Variants in TIMM50 observed in about 807,000 individuals in gnomAD.
TIMM50 encodes the protein mitochondrial import inner membrane translocase subunit TIM50.
A neutral mutation model predicts 49.6 loss-of-function variants in TIMM50; 34 were observed. The observed-to-expected ratio is 0.69, with a 90% CI of 0.52 to 0.91. The LOEUF (loss-of-function observed/expected upper bound fraction) is 0.91. Among genes scored for constraint, TIMM50 ranks in the 40% least tolerant of loss-of-function variants. The probability of loss-of-function intolerance (pLI) is 0.00; values close to 1 mark genes in which losing one functional copy is unlikely to be tolerated. For missense variants in TIMM50, 458 were observed against 477.8 expected (o/e 0.96, Z 0.39); for synonymous variants, 199 against 198.4 (o/e 1.00, Z -0.03).
In TIMM50 at chr19:39,481,889, GA is replaced by G. The variant is rs1568440146; in HGVS notation, c.116del (p.Glu39GlyfsTer42). ...TCCCCTTTCTCAACCGCAGGCCGCAGAGATCGGGAGCCGCGGGAGCACTAAG... is the reference window on the plus strand; with the variant it reads ...TCCCCTTTCTCAACCGCAGGCCGCAGGATCGGGAGCCGCGGGAGCACTAAG... ...PPRRAPDQAA[E>X]IGSRGSTKAQ... On this transcript the variant is annotated frameshift_variant, in exon 2 of 11. Transcript: ENST00000607714. LOFTEE classifies it high-confidence loss of function. 6.2e-7 allele frequency: 1 copy of G among 1,612,772 alleles called. No homozygotes were observed. Among genetic ancestry groups the G allele is most frequent in the South Asian group, 1.1e-5 (1 of 91,070 alleles).
Position 39,490,265 on chromosome 19 carries a change from C to T in TIMM50, c.*445C>T, listed in dbSNP as rs535684527. On this transcript the variant is annotated 3_prime_UTR_variant, in exon 11 of 11. Transcript: ENST00000607714. ...GGGCCTCTGGTGGACCAGAGATTAC[C>T]CCTCTCAACAGGCCAGCTGCTGGTT... 6.4e-6 allele frequency: 1 copy of T among 156,916 alleles called. No homozygotes were observed. The highest frequency in any genetic ancestry group is 2.0e-4 in the South Asian group (1 of 5,012). 9.7% of individuals were successfully genotyped at this position (156,916 alleles called of 1,614,324 possible).
At position 39,488,590 on chromosome 19, in the gene TIMM50, C is replaced by T. The variant is rs10240; in HGVS notation, c.905C>T (p.Ala302Val). Residue 302 changes from alanine to valine, a missense_variant, in exon 10 of 11, where the codon GCC becomes GTC. Ala to Val is a moderately conservative substitution (Grantham distance 64). Transcript: ENST00000607714. ...GTGCGAACCGTGCTGGAGCACTATGCCCTGGAGGATGACCCGCTGGCGGCT... is the reference window on the plus strand; with the variant it reads ...GTGCGAACCGTGCTGGAGCACTATGTCCTGGAGGATGACCCGCTGGCGGCT... The part of the protein sequence containing the change: ...EDVRTVLEHY[A>V]LEDDPLAAFK... The T allele has an allele frequency of 1.9e-6, 3 of 1,613,482 alleles. No individual in the cohort carries two copies. The highest frequency in any genetic ancestry group is 2.5e-6 in the Non-Finnish European group (3 of 1,180,026).
intron 10 of TIMM50, among the ~76,000 whole-genome samples, chr19:39,489,282 G>C (rs1397692520): frequency 6.6e-6 from 1 of 152,048 alleles, no homozygotes; most frequent in Non-Finnish European, 1.5e-5. Context: ...GGTGAGGAGG[G>C]CCATGGGGTT....
rs1340225602 is a variant in TIMM50 at position 39,480,928 on chromosome 19, G to A, written c.75G>A (p.Arg25=). 1 of 1,587,736 alleles carries A rather than the reference G, an allele frequency of 6.3e-7. No individual in the cohort carries two copies. Among genetic ancestry groups the A allele is most frequent in the South Asian group, 1.1e-5 (1 of 89,802 alleles). Residue 25 remains arginine (R), a synonymous_variant, in exon 1 of 11, where the codon AGG becomes AGA. Transcript: ENST00000607714. ...LRLGSRGLCT[R]LATPPRRAPD... is the part of the protein sequence containing the mutation. Reference sequence around the variant, plus strand: ...TCGGCTCGCGGGGACTGTGCACGAGGTTGGCGACGCCGCCCCGCCGGGCCC... The same window carrying A: ...TCGGCTCGCGGGGACTGTGCACGAGATTGGCGACGCCGCCCCGCCGGGCCC...
Position 39,486,574 on chromosome 19 carries a change from C to T in TIMM50, c.696+79C>T, listed in dbSNP as rs1457071888. 3.2e-6 allele frequency: 4 copies of T among 1,259,816 alleles called. No individual in the cohort carries two copies. The African/African-American group carries it at 5.9e-5, about 19-fold the overall frequency. The allele number at this position is 1,259,816 out of a possible 1,614,324, so 78.0% of individuals were successfully genotyped here. ...GAGGGAAGGAGGGCCCAGCTCTGAC[C>T]CTAGCCTCACCTGGCTTATGGTTCT... is the stretch of plus-strand genomic sequence containing the variant. On this transcript the variant is annotated intron_variant, in intron 8 of 10. Transcript: ENST00000607714.
In TIMM50 at chr19:39,492,893, C is replaced by CAAA. The variant is rs1159452213; in HGVS notation, c.*3081_*3083dup. 1 of 62,984 alleles carries CAAA rather than the reference C, an allele frequency of 1.6e-5. No individual in the cohort carries two copies. Among genetic ancestry groups the CAAA allele is most frequent in the Non-Finnish European group, 3.2e-5 (1 of 30,890 alleles). 3.9% of individuals were successfully genotyped at this position (62,984 alleles called of 1,614,324 possible). ...CTCCAAAAAAAAAAAAAAAAAAAAA[C>CAAA]AAAAAAAAAACCAGTTTGACTTTAT... On this transcript the variant is annotated 3_prime_UTR_variant, in exon 11 of 11. Transcript: ENST00000607714.
In TIMM50 at chr19:39,492,581, T is replaced by C. The variant is rs1352618861; in HGVS notation, c.*2761T>C. 6.6e-6 allele frequency: 1 copy of C among 151,736 alleles called. No individual in the cohort carries two copies. The highest frequency in any genetic ancestry group is 1.5e-5 in the Non-Finnish European group (1 of 68,000). 9.4% of individuals were successfully genotyped at this position (151,736 alleles called of 1,614,324 possible). A position where few individuals can be genotyped will look rare whatever the true frequency, so the allele number is the denominator to read the frequency against. On this transcript the variant is annotated 3_prime_UTR_variant, in exon 11 of 11. Coordinates refer to ENST00000607714, the MANE Select transcript of TIMM50 (RefSeq NM_001001563.5). The stretch of plus-strand genomic sequence containing the variant: ...TATGGGTTATTCACAGATTGAAATA[T>C]CTTAGCTGGGCACGGTGGCTCACCC...
rs779696958 is a variant in TIMM50 at position 39,486,369 on chromosome 19, C to A, written c.598-28C>A. ...TCTGGAGGACCAGGGCTCAGCCTGA[C>A]CTTTTCTCGCTCCCTTCCCACCCCC... is the stretch of plus-strand genomic sequence containing the variant. On this transcript the variant is annotated intron_variant, in intron 7 of 10. Coordinates refer to ENST00000607714, the MANE Select transcript of TIMM50 (RefSeq NM_001001563.5). 2.5e-6 allele frequency: 4 copies of A among 1,613,544 alleles called. No individual in the cohort carries two copies. The African/African-American group carries it at 4.0e-5, about 16-fold the overall frequency.
In TIMM50 at chr19:39,490,396, GAC is replaced by G. The variant is rs1009995341; in HGVS notation, c.*578_*579del. 6.7e-6 allele frequency: 1 copy of G among 149,384 alleles called. No homozygotes were observed. 9.3% of individuals were successfully genotyped at this position (149,384 alleles called of 1,614,324 possible). On this transcript the variant is annotated 3_prime_UTR_variant, in exon 11 of 11. Coordinates refer to ENST00000607714, the MANE Select transcript of TIMM50 (RefSeq NM_001001563.5). The stretch of plus-strand genomic sequence containing the variant: ...GGGAATATTTTTTTTTTTTTTTTGA[GAC>G]AGGGTCTCACTGTTGCCCAGGCTGG...
rs59596478 is a variant in TIMM50, at chr19:39,492,871, C to CAAAAAAAAAAAAAAAAAAAAAAAA, written c.*3072_*3073insAAAAAAAAAAAAAAAAAAAAAAAA. 4.4e-5 allele frequency: 2 copies of CAAAAAAAAAAAAAAAAAAAAAAAA among 45,026 alleles called. No individual in the cohort carries two copies. The highest frequency in any genetic ancestry group is 7.2e-5 in the Non-Finnish European group (2 of 27,810). The allele number at this position is 45,026 out of a possible 1,614,324, so 2.8% of individuals were successfully genotyped here. A position where few individuals can be genotyped will look rare whatever the true frequency, so the allele number is the denominator to read the frequency against. On this transcript the variant is annotated 3_prime_UTR_variant, in exon 11 of 11. Coordinates refer to ENST00000607714, the MANE Select transcript of TIMM50 (RefSeq NM_001001563.5). Reference sequence around the variant, plus strand: ...GGGCGACAGAGTAAGGCTCTGTCTCCAAAAAAAAAAAAAAAAAAAAACAAA... The same window carrying CAAAAAAAAAAAAAAAAAAAAAAAA: ...GGGCGACAGAGTAAGGCTCTGTCTCCAAAAAAAAAAAAAAAAAAAAAAAAAAAAAAAAAAAAAAAAAAAAACAAA...
intron 6 of TIMM50, 73 bp downstream of exon 6, chr19:39,485,880 C>T: frequency 6.3e-7 from 1 of 1,586,788 alleles, no homozygotes. Flanking sequence ...GACTTTCAGC[C>T]CTGGCTGTGC....
intron 8 of TIMM50, among the ~76,000 whole-genome samples, chr19:39,486,855 C>T (rs1048593614): frequency 5.3e-5 from 8 of 152,116 alleles, no homozygotes; most frequent in African/African-American, 1.4e-4. Flanking sequence ...TTGTTTGACC[C>T]GGGCTCTGTT....
Position 39,486,380 on chromosome 19 carries a change from T to G in TIMM50, c.598-17T>G. The G allele has an allele frequency of 6.2e-7, 1 of 1,613,972 alleles. No homozygotes were observed. The highest frequency in any genetic ancestry group is 8.5e-7 in the Non-Finnish European group (1 of 1,179,834). ...AGGGCTCAGCCTGACCTTTTCTCGC[T>G]CCCTTCCCACCCCCAGACTGCGTTT... On this transcript the variant is annotated splice_polypyrimidine_tract_variant and intron_variant, in intron 7 of 10. Transcript: ENST00000607714.
At chr19:39,482,399 T>C (rs558367574) in intron 2 of TIMM50, among the ~76,000 whole-genome samples, 18 of 152,262 alleles carry the variant, frequency 1.2e-4, no homozygotes, top group Admixed American at 3.9e-4. Context: ...GGCTCACGCC[T>C]GTAATCCCAG....
chr19:39,489,702 C>T lies in TIMM50; in HGVS notation c.961-17C>T. On this transcript the variant is annotated splice_polypyrimidine_tract_variant and intron_variant, in intron 10 of 10. Coordinates refer to ENST00000607714, the MANE Select transcript of TIMM50 (RefSeq NM_001001563.5). ...ACCTTGCGCTGACCCTCTCCTCCAA[C>T]TGTCCCCCTACCCCAGGAGGAGCAG... The T allele has an allele frequency of 6.3e-7, 1 of 1,593,360 alleles. No individual in the cohort carries two copies. Among genetic ancestry groups the T allele is most frequent in the Non-Finnish European group, 8.5e-7 (1 of 1,170,162 alleles).
intron 4 of TIMM50, 141 bp downstream of exon 4, chr19:39,483,297 G>A: frequency 8.9e-7 from 1 of 1,117,990 alleles, no homozygotes; most frequent in East Asian, 2.4e-5. Flanking sequence ...GGATGGCTTT[G>A]TGGGGAGGGA....
chr19:39,485,759 C>A lies in TIMM50; in HGVS notation c.444C>A (p.Tyr148Ter), dbSNP rs2079500838. The A allele has an allele frequency of 6.2e-7, 1 of 1,614,072 alleles. No individual in the cohort carries two copies. The highest frequency in any genetic ancestry group is 1.3e-5 in the African/African-American group (1 of 74,932). The change falls in exon 6 of 11, where the codon TAC (tyrosine) becomes TAA (stop). Residue 148 changes from tyrosine (Y) to a stop codon, truncating the protein, a stop_gained. Transcript: ENST00000607714. LOFTEE classifies it high-confidence loss of function. ...AGGAACCGTACTACCAGCCACCCTACACGCTCGTTTTGGAGCTCACCGGCG... is the reference window on the plus strand; with the variant it reads ...AGGAACCGTACTACCAGCCACCCTAAACGCTCGTTTTGGAGCTCACCGGCG... ...PLQEPYYQPP[Y>*]TLVLELTGVL...
intron 7 of TIMM50, 51 bp downstream of exon 7, chr19:39,486,342 G>C (rs1453394220): frequency 1.9e-6 from 3 of 1,613,030 alleles, no homozygotes; most frequent in Admixed American, 1.7e-5. Flanking sequence ...GAGGCGTAGA[G>C]ATCTGGAGGA....
rs776988071 is a variant in TIMM50 at position 39,486,215 on chromosome 19, G to A, written c.521G>A (p.Arg174His). The change falls in exon 7 of 11, where the codon CGC (arginine) becomes CAC (histidine). Residue 174 changes from arginine (R) to histidine (H), a missense_variant. Coordinates refer to ENST00000607714, the MANE Select transcript of TIMM50 (RefSeq NM_001001563.5). The stretch of plus-strand genomic sequence containing the variant: ...GCCACTGGCTGGAGGTTTAAGAAGC[G>A]CCCAGGCATCGAGACCTTGTTCCAG... ...SLATGWRFKK[R>H]PGIETLFQQL... 3.7e-6 allele frequency: 6 copies of A among 1,614,142 alleles called. No homozygotes were observed. Among genetic ancestry groups the A allele is most frequent in the South Asian group, 1.1e-5 (1 of 91,082 alleles).
Sources: gnomAD v4.1 joint callset for allele counts (sites outside exome capture counted in the v4.1 genomes callset) on GRCh38, gnomAD v4.1.1 for gene constraint, MANE v1.5 for transcripts, NCBI Gene and HGNC (gene_info 2026-07-23, HGNC 2026-07-21) for gene names.